The following PRKCA variants were observed in gnomAD, a reference collection of about 807,000 sequenced individuals.
PRKCA encodes protein kinase C alpha.
PRKCA carries 27 observed loss-of-function variants against 87.0 expected under a neutral mutation model. That is an observed-to-expected ratio of 0.31 (90% confidence interval 0.23 to 0.43). PRKCA has a LOEUF of 0.43. Ranked by LOEUF, PRKCA falls within the 20% of genes least tolerant of loss-of-function variation. PRKCA has a pLI of 1.00. For missense variants in PRKCA, 518 were observed against 852.3 expected, an observed-to-expected ratio of 0.61 and a Z score of 4.88; for synonymous variants, 329 against 311.1, an observed-to-expected ratio of 1.06 and a Z score of -0.61.
At chr17:66,310,774 C>T (rs561546325) in intron 2 of PRKCA, among the ~76,000 whole-genome samples, 1 of 152,164 alleles carries the variant, frequency 6.6e-6, no homozygotes, top group South Asian at 2.1e-4. Context: ...GGGGCAGTAG[C>T]GAGTGAGTCA....
chr17:66,633,942 G>A (rs996602073), intron 3 of PRKCA, among the ~76,000 whole-genome samples: 1 of 152,194 alleles, frequency 6.6e-6, no homozygotes, highest in Admixed American at 6.5e-5. Context: ...CTTCCAGGTG[G>A]CTGTAGACAC....
chr17:66,607,510 C>G (rs1970244326), intron 3 of PRKCA, among the ~76,000 whole-genome samples: 1 of 152,164 alleles, frequency 6.6e-6, no homozygotes, highest in Non-Finnish European at 1.5e-5. Context: ...TTGTTTTGGT[C>G]CAGTTTAGAA....
intron 8 of PRKCA, among the ~76,000 whole-genome samples, chr17:66,698,126 A>T (rs1022001178): frequency 5.3e-5 from 8 of 152,178 alleles, no homozygotes; most frequent in Non-Finnish European, 1.0e-4. Context: ...GTCAATAAGG[A>T]TTGGAGGAGG....
At position 66,581,467 on chromosome 17, in the gene PRKCA, GT is replaced by G. The variant is rs992338243; in HGVS notation, c.289-59882del. The stretch of plus-strand genomic sequence containing the variant: ...AGAGGGAATCTTTCTGAAGTGTTTT[GT>G]TTTTTCTTTTTTGTTTTTTGTTTTT... On this transcript the variant is annotated intron_variant, in intron 3 of 16. Transcript: ENST00000413366. 4.9e-4 allele frequency among the ~76,000 whole-genome samples: 74 copies of G among 152,092 alleles called. 1 individual carries two copies. Among genetic ancestry groups the G allele is most frequent in the Admixed American group, 3.6e-3 (55 of 15,258 alleles).
intron 14 of PRKCA, chr17:66,775,298 G>T: frequency 2.0e-6 from 2 of 985,302 alleles, no homozygotes; most frequent in Non-Finnish European, 2.4e-6. Flanking sequence ...TAGGGTCTCA[G>T]ATTTCTCCGC....
At chr17:66,726,832 C>G (rs889102018) in intron 8 of PRKCA, among the ~76,000 whole-genome samples, 1 of 151,874 alleles carries the variant, frequency 6.6e-6, no homozygotes, top group Non-Finnish European at 1.5e-5. Context: ...TTAAGCGATT[C>G]TCCCACCTCA....
At chr17:66,315,592 G>T (rs2143173769) in intron 2 of PRKCA, among the ~76,000 whole-genome samples, 1 of 151,202 alleles carries the variant, frequency 6.6e-6, no homozygotes, top group East Asian at 1.9e-4. Flanking sequence ...CAATTCTCCT[G>T]TCTCAGCCTC....
intron 8 of PRKCA, among the ~76,000 whole-genome samples, chr17:66,731,604 C>G (rs9904322): frequency 0.2 from 30,994 of 151,702 alleles, 4,540 homozygotes; most frequent in East Asian, 0.41. Context: ...ACTGACCTTC[C>G]TTTTTCTGCT....
At chr17:66,315,480 C>CT (rs58393155) in intron 2 of PRKCA, among the ~76,000 whole-genome samples, 24 of 139,826 alleles carry the variant, frequency 1.7e-4, no homozygotes, top group East Asian at 4.1e-4. Flanking sequence ...AGTGTTTTTT[C>CT]TTTTTTTTTT....
At chr17:66,664,064 C>T (rs571336035) in intron 5 of PRKCA, among the ~76,000 whole-genome samples, 12 of 152,138 alleles carry the variant, frequency 7.9e-5, no homozygotes, top group South Asian at 6.2e-4. Context: ...GATAGGGTTT[C>T]GCCATGTTGG....
intron 2 of PRKCA, among the ~76,000 whole-genome samples, chr17:66,347,727 A>G (rs898761874): frequency 5.9e-5 from 9 of 152,218 alleles, no homozygotes; most frequent in African/African-American, 2.2e-4. Flanking sequence ...GTAGATGCAC[A>G]TTTTCTAAGA....
intron 4 of PRKCA, among the ~76,000 whole-genome samples, chr17:66,643,681 G>A (rs1298073368): frequency 1.3e-5 from 2 of 152,112 alleles, no homozygotes; most frequent in Non-Finnish European, 2.9e-5. Context: ...TGTGGCTGCC[G>A]CCTGTGCTCC....
intron 8 of PRKCA, among the ~76,000 whole-genome samples, chr17:66,729,386 A>G (rs1371801130): frequency 2.0e-5 from 3 of 152,168 alleles, no homozygotes; most frequent in Non-Finnish European, 4.4e-5. Context: ...CCTGGGTGAC[A>G]AGAGTGAAAC....
chr17:66,358,018 A>G lies in PRKCA; in HGVS notation c.205+51891A>G, dbSNP rs141749910. The stretch of plus-strand genomic sequence containing the variant: ...TATTAATTAGAATTATATGATGATT[A>G]TAATAGAATTGCCTTTTGTTCTGGA... On this transcript the variant is annotated intron_variant, in intron 2 of 16. Transcript: ENST00000413366. Among the ~76,000 whole-genome samples the G allele has an allele frequency of 9.5e-3, 1,450 of 152,366 alleles. 12 individuals carry two copies. Among genetic ancestry groups the G allele is most frequent in the Non-Finnish European group, 0.016 (1,066 of 68,042 alleles).
At chr17:66,543,820 T>G (rs1968062200) in intron 3 of PRKCA, among the ~76,000 whole-genome samples, 1 of 152,204 alleles carries the variant, frequency 6.6e-6, no homozygotes, top group African/African-American at 2.4e-5. Context: ...GCTGGCTTTC[T>G]GGTGTCAAAT....
intron 7 of PRKCA, 108 bp from the exon 8 acceptor site, chr17:66,688,843 G>C (rs1714469017): frequency 1.4e-6 from 1 of 712,934 alleles, no homozygotes; most frequent in Non-Finnish European, 2.5e-6. Context: ...CTACTGATCT[G>C]GCTGTAGCCT....
At chr17:66,508,907 G>A (rs965229767) in intron 3 of PRKCA, among the ~76,000 whole-genome samples, 2 of 152,134 alleles carry the variant, frequency 1.3e-5, no homozygotes, top group African/African-American at 4.8e-5. Flanking sequence ...TCCAAGGTTG[G>A]TACAGAGTCA....
At chr17:66,539,991 G>A (rs547699820) in intron 3 of PRKCA, among the ~76,000 whole-genome samples, 19 of 152,302 alleles carry the variant, frequency 1.2e-4, no homozygotes, top group African/African-American at 2.4e-4. Context: ...AAATAATTTC[G>A]AAAATCAATT....
chr17:66,611,829 C>A (rs559694573), intron 3 of PRKCA, among the ~76,000 whole-genome samples: 29 of 152,308 alleles, frequency 1.9e-4, no homozygotes, highest in African/African-American at 6.3e-4. Context: ...TGCCAACATT[C>A]ATAGTTACAG....
Sources: allele counts gnomAD v4.1 joint callset (sites outside exome capture counted in the v4.1 genomes callset), GRCh38; gene constraint gnomAD v4.1.1; transcripts MANE v1.5; gene names NCBI Gene and HGNC (gene_info 2026-07-23, HGNC 2026-07-21).